The following CDX4 variants were observed in gnomAD, a reference collection of about 807,000 sequenced individuals.
The protein encoded by CDX4 is caudal type homeobox 4.
CDX4 carries 11 observed loss-of-function variants against 14.1 expected under a neutral mutation model. The observed-to-expected ratio is 0.78, with a 90% CI of 0.49 to 1.29. The LOEUF is 1.29. Among genes scored for constraint, CDX4 ranks in the 50% most tolerant of loss-of-function variants. CDX4 has a pLI of 0.00. For synonymous variants in CDX4, 100 were observed against 93.5 expected (o/e 1.07, Z -0.40); for missense variants, 257 against 237.4 (o/e 1.08, Z -0.54).
intron 1 of CDX4, among the ~76,000 whole-genome samples, chrX:73,448,988 G>T (rs1045508095): frequency 1.7e-4 from 19 of 111,977 alleles, no homozygotes; most frequent in Admixed American, 4.7e-4. Context: ...GAAGTTCTGT[G>T]TATTAGAACC....
chrX:73,450,902 C>A (rs1384472608), intron 1 of CDX4, among the ~76,000 whole-genome samples: 2 of 111,266 alleles, frequency 1.8e-5, no homozygotes, highest in African/African-American at 6.5e-5. Flanking sequence ...CAAATGAACA[C>A]CATTTTAATT....
In CDX4 at chrX:73,453,602, A is replaced by C; in HGVS notation, c.588A>C (p.Arg196Ser). The change falls in exon 2 of 3, where the codon AGA becomes AGC. Residue 196 changes from arginine to serine, a missense_variant. Physicochemically the swap from Arg to Ser is moderately radical, Grantham distance 110 (BLOSUM62 -1). Transcript: ENST00000373514. ...TGGAAAAGGAATTCCATTGCAATAG[A>C]TATATCACCATCCAGAGAAAATCAG... ...LELEKEFHCN[R>S]YITIQRKSEL... 1 of 1,202,965 alleles carries C rather than the reference A, an allele frequency of 8.3e-7. No individual in the cohort carries two copies. The highest frequency in any genetic ancestry group is 1.1e-6 in the Non-Finnish European group (1 of 889,216).
intron 1 of CDX4, among the ~76,000 whole-genome samples, chrX:73,450,950 T>C (rs2057084993): frequency 8.9e-6 from 1 of 111,752 alleles, no homozygotes. Context: ...TTATGACATT[T>C]GCTTGTGAAT....
chrX:73,453,019 G>A (rs748496747), intron 1 of CDX4, among the ~76,000 whole-genome samples: 2 of 111,911 alleles, frequency 1.8e-5, no homozygotes, highest in South Asian at 7.4e-4. Flanking sequence ...AAGAAGGTAG[G>A]TAAGAGGTTT....
chrX:73,449,802 C>A (rs1453293801), intron 1 of CDX4, among the ~76,000 whole-genome samples: 1 of 111,507 alleles, frequency 9.0e-6, no homozygotes, highest in Non-Finnish European at 1.9e-5. Flanking sequence ...AGCACACACA[C>A]AAACACAAGT....
intron 1 of CDX4, among the ~76,000 whole-genome samples, chrX:73,449,808 C>A (rs1412640055): frequency 9.0e-6 from 1 of 111,466 alleles, no homozygotes; most frequent in Non-Finnish European, 1.9e-5. Flanking sequence ...CACACAAACA[C>A]AAGTAATTTG....
In CDX4 at chrX:73,453,658, G is replaced by C. The variant is rs770467036; in HGVS notation, c.644G>C (p.Arg215Thr). The change falls in exon 2 of 3, where the codon AGA becomes ACA. Residue 215 changes from arginine to threonine, a missense_variant. Physicochemically the swap from Arg to Thr is moderately conservative, Grantham distance 71. Transcript: ENST00000373514. ...ELAVNLGLSE[R>T]QVKIWFQNRR... ...GCAGTTAACCTGGGCCTTTCCGAGA[G>C]ACAGGTACACCAGAAGTATATCCAA... 26 of 1,198,868 alleles carry C rather than the reference G, an allele frequency of 2.2e-5. No homozygotes were observed. In the Admixed American group the frequency reaches 4.2e-4, roughly 20 times the overall value.
Position 73,454,433 on chromosome X carries a change from A to G in CDX4, c.703A>G (p.Lys235Glu). Residue 235 changes from lysine (K) to glutamate (E), a missense_variant, in exon 3 of 3, where the codon AAA becomes GAA. By Grantham distance (56) the Lys-to-Glu change is moderately conservative. Coordinates refer to ENST00000373514, the MANE Select transcript of CDX4 (RefSeq NM_005193.2). ...CAAGGAGAGAAAGATGATCAAAAAG[A>G]AAATCTCCCAGTTTGAGAATAGTGG... ...RAKERKMIKK[K>E]ISQFENSGGS... The G allele has an allele frequency of 8.3e-7, 1 of 1,209,407 alleles. No individual in the cohort carries two copies. The highest frequency in any genetic ancestry group is 1.8e-5 in the South Asian group (1 of 56,691).
chrX:73,447,144 G>C lies in CDX4; in HGVS notation c.-110G>C, dbSNP rs2057072440. The C allele has an allele frequency of 1.1e-6, 1 of 898,518 alleles. No homozygotes were observed. 74.0% of individuals were successfully genotyped at this position (898,518 alleles called of 1,213,427 possible). On this transcript the variant is annotated 5_prime_UTR_variant, in exon 1 of 3. Coordinates refer to ENST00000373514, the MANE Select transcript of CDX4 (RefSeq NM_005193.2). The stretch of plus-strand genomic sequence containing the variant: ...TAGCCTGAGGGGTGCAAAAGAGCTT[G>C]CGGCACAACTACGTACTGATAAGTT...
intron 1 of CDX4, among the ~76,000 whole-genome samples, chrX:73,451,593 T>G (rs1296470476): frequency 9.0e-6 from 1 of 111,354 alleles, no homozygotes; most frequent in African/African-American, 3.3e-5. Flanking sequence ...TTGACTTTAT[T>G]GTCCTCAGAA....
rs757657716 is a variant in CDX4 at position 73,454,939 on chromosome X, A to G, written c.*354A>G. 2.8e-4 allele frequency: 41 copies of G among 146,158 alleles called. No individual in the cohort carries two copies. Among genetic ancestry groups the G allele is most frequent in the Non-Finnish European group, 5.4e-4 (41 of 75,296 alleles). The allele number at this position is 146,158 out of a possible 1,213,427, so 12.0% of individuals were successfully genotyped here. A position where few individuals can be genotyped will look rare whatever the true frequency, so the allele number is the denominator to read the frequency against. On this transcript the variant is annotated 3_prime_UTR_variant, in exon 3 of 3. Coordinates refer to ENST00000373514, the MANE Select transcript of CDX4 (RefSeq NM_005193.2). ...CCAGAAAGCACATTTGTGTATGTGTACTTCTGTTTGTTATTTGATGCTAGG... is the reference window on the plus strand; with the variant it reads ...CCAGAAAGCACATTTGTGTATGTGTGCTTCTGTTTGTTATTTGATGCTAGG...
chrX:73,447,133 CA>C lies in CDX4; in HGVS notation c.-117del. 1.2e-6 allele frequency: 1 copy of C among 828,532 alleles called. No homozygotes were observed. Among genetic ancestry groups the C allele is most frequent in the African/African-American group, 2.0e-5 (1 of 49,371 alleles). 68.3% of individuals were successfully genotyped at this position (828,532 alleles called of 1,213,427 possible). A position where few individuals can be genotyped will look rare whatever the true frequency, so the allele number is the denominator to read the frequency against. ...GTGGGATGGAGTAGCCTGAGGGGTG[CA>C]AAAGAGCTTGCGGCACAACTACGTA... is the stretch of plus-strand genomic sequence containing the variant. On this transcript the variant is annotated 5_prime_UTR_variant, in exon 1 of 3. Transcript: ENST00000373514.
At chrX:73,450,684 C>G (rs1441233215) in intron 1 of CDX4, among the ~76,000 whole-genome samples, 2 of 111,834 alleles carry the variant, frequency 1.8e-5, no homozygotes, top group Non-Finnish European at 3.8e-5. Context: ...CATGGGACAA[C>G]TTTTTAAAAA....
In CDX4 at chrX:73,447,936, C is replaced by T. The variant is rs1360084427; in HGVS notation, c.502+181C>T. On this transcript the variant is annotated intron_variant, in intron 1 of 2. Coordinates refer to ENST00000373514, the MANE Select transcript of CDX4 (RefSeq NM_005193.2). ...CGCATTCGCCTGGGCTCAAAACTCA[C>T]TCACTGAGTGCAGCGATTGGGACTA... Among the ~76,000 whole-genome samples the T allele has an allele frequency of 3.6e-5, 4 of 112,331 alleles. No individual in the cohort carries two copies. In the East Asian group the frequency reaches 8.5e-4, roughly 24 times the overall value.
chrX:73,452,150 T>C (rs1408825477), intron 1 of CDX4, among the ~76,000 whole-genome samples: 1 of 103,539 alleles, frequency 9.7e-6, no homozygotes, highest in African/African-American at 3.5e-5. Context: ...TTTTTCCTTT[T>C]CTGGAGATGA....
In CDX4 at chrX:73,447,543, C is replaced by T. The variant is rs777946946; in HGVS notation, c.290C>T (p.Pro97Leu). The change falls in exon 1 of 3, where the codon CCG (proline) becomes CTG (leucine). Residue 97 changes from proline to leucine, a missense_variant. Transcript: ENST00000373514. ...CCGTCTAGTACAATGGGCACAGTGC[C>T]GGTGAACGACGTGACCTCTAGCCCC... ...PGPSSTMGTV[P>L]VNDVTSSPAA... 3.3e-6 allele frequency: 4 copies of T among 1,211,232 alleles called. No individual in the cohort carries two copies. The Admixed American group carries it at 8.7e-5, about 26-fold the overall frequency.
chrX:73,452,349 CA>C (rs1361080699), intron 1 of CDX4, among the ~76,000 whole-genome samples: 3 of 109,134 alleles, frequency 2.7e-5, no homozygotes, highest in Non-Finnish European at 5.7e-5. Context: ...AGATCGCCCC[CA>C]AAAAATCACA....
At chrX:73,449,796 C>T (rs761144532) in intron 1 of CDX4, among the ~76,000 whole-genome samples, 31 of 111,526 alleles carry the variant, frequency 2.8e-4, no homozygotes, top group Admixed American at 3.8e-4. Flanking sequence ...CACAGCAGCA[C>T]ACACACAAAC....
chrX:73,454,667 C>A lies in CDX4; in HGVS notation c.*82C>A, dbSNP rs190288861. ...TAAGCTATCTACAGGGGAGTTGGAG[C>A]AGGGTGTAATTCCCTGTAAGGCAGT... On this transcript the variant is annotated 3_prime_UTR_variant, in exon 3 of 3. Transcript: ENST00000373514. 7 of 681,284 alleles carry A rather than the reference C, an allele frequency of 1.0e-5. No individual in the cohort carries two copies. The highest frequency in any genetic ancestry group is 1.6e-5 in the Non-Finnish European group (7 of 443,484). 56.1% of individuals were successfully genotyped at this position (681,284 alleles called of 1,213,427 possible).
Sources: allele counts gnomAD v4.1 joint callset (sites outside exome capture counted in the v4.1 genomes callset), GRCh38; gene constraint gnomAD v4.1.1; transcripts MANE v1.5; gene names NCBI Gene and HGNC (gene_info 2026-07-23, HGNC 2026-07-21).